The following ZFPM2 variants were observed in gnomAD, a reference collection of about 807,000 sequenced individuals.
ZFPM2 encodes the protein zinc finger protein ZFPM2.
A neutral mutation model predicts 98.6 loss-of-function variants in ZFPM2; 20 were observed. That is an observed-to-expected ratio of 0.20 (90% CI 0.14 to 0.29). ZFPM2 has a LOEUF of 0.29. ZFPM2 is among the 10% of genes least tolerant of loss of function. The pLI is 1.00. For synonymous variants in ZFPM2, 518 were observed against 502.7 expected, an observed-to-expected ratio of 1.03 and a Z score of -0.41; for missense variants, 1,310 against 1,388.6, an observed-to-expected ratio of 0.94 and a Z score of 0.90.
In ZFPM2 at chr8:105,494,225, AT is replaced by A. The variant is rs1813416206; in HGVS notation, c.301+49845del. On this transcript the variant is annotated intron_variant, in intron 3 of 7. Transcript: ENST00000407775. ...TATATATATATATATATATATATAT[AT>A]AATCTCAAACTCAACATATCTGAAA... is the stretch of plus-strand genomic sequence containing the variant. 7.8e-5 allele frequency among the ~76,000 whole-genome samples: 10 copies of A among 128,880 alleles called. 1 individual carries two copies. In the South Asian group the frequency reaches 2.0e-3, roughly 26 times the overall value. The allele number at this position is 128,880 out of a possible 152,430, so 84.6% of individuals were successfully genotyped here.
At chr8:105,554,519 A>C (rs1341009731) in intron 3 of ZFPM2, among the ~76,000 whole-genome samples, 1 of 152,190 alleles carries the variant, frequency 6.6e-6, no homozygotes, top group Non-Finnish European at 1.5e-5. Flanking sequence ...ATGTCTTCCA[A>C]CCATGAAGAA....
chr8:105,473,435 C>A (rs181583733), intron 3 of ZFPM2, among the ~76,000 whole-genome samples: 5 of 152,152 alleles, frequency 3.3e-5, no homozygotes, highest in South Asian at 2.1e-4. Flanking sequence ...CCATCTCTCC[C>A]TGACTAGCTG....
At chr8:105,698,702 T>C (rs1020816127) in intron 5 of ZFPM2, among the ~76,000 whole-genome samples, 7 of 152,164 alleles carry the variant, frequency 4.6e-5, no homozygotes, top group Non-Finnish European at 7.4e-5. Context: ...AGAACAGAGA[T>C]ATAAAAATAT....
At chr8:105,577,775 CA>C (rs5893750) in intron 4 of ZFPM2, among the ~76,000 whole-genome samples, 17,635 of 111,070 alleles carry the variant, frequency 0.16, 1,171 homozygotes, top group Non-Finnish European at 0.21. Flanking sequence ...GTGAGGAAAC[CA>C]AAAAAAAAAA....
At chr8:105,355,217 A>G (rs1203027137) in intron 1 of ZFPM2, among the ~76,000 whole-genome samples, 1 of 152,174 alleles carries the variant, frequency 6.6e-6, no homozygotes, top group Non-Finnish European at 1.5e-5. Flanking sequence ...ATATATCGCT[A>G]AGGATGTTTG....
intron 3 of ZFPM2, among the ~76,000 whole-genome samples, chr8:105,455,284 T>G (rs1308564046): frequency 6.6e-6 from 1 of 152,114 alleles, no homozygotes; most frequent in Non-Finnish European, 1.5e-5. Flanking sequence ...TTATTTAAAT[T>G]AAGATCTGAA....
At chr8:105,393,438 C>T (rs1811159364) in intron 1 of ZFPM2, among the ~76,000 whole-genome samples, 1 of 148,746 alleles carries the variant, frequency 6.7e-6, no homozygotes, top group East Asian at 2.0e-4. Flanking sequence ...GATTATATCT[C>T]CAGGTTTTGA....
At chr8:105,694,418 T>C (rs1810969149) in intron 5 of ZFPM2, among the ~76,000 whole-genome samples, 6 of 152,288 alleles carry the variant, frequency 3.9e-5, no homozygotes, top group Middle Eastern at 3.4e-3. Context: ...CTCTACTTCC[T>C]AATAAATGTG....
intron 4 of ZFPM2, among the ~76,000 whole-genome samples, chr8:105,591,269 A>G (rs1815837565): frequency 6.6e-6 from 1 of 151,896 alleles, no homozygotes; most frequent in South Asian, 2.1e-4. Context: ...AGCAACAACA[A>G]CAACAAAAAA....
chr8:105,792,000 G>C (rs1005737635), intron 6 of ZFPM2, among the ~76,000 whole-genome samples: 2 of 151,682 alleles, frequency 1.3e-5, no homozygotes, highest in Non-Finnish European at 2.9e-5. Context: ...TATTAGTCTT[G>C]CTAGCGGTCT....
chr8:105,697,892 T>C (rs1335370173), intron 5 of ZFPM2, among the ~76,000 whole-genome samples: 1 of 152,136 alleles, frequency 6.6e-6, no homozygotes, highest in Non-Finnish European at 1.5e-5. Context: ...GAAAAAAAAC[T>C]GAGTTGAAGA....
chr8:105,789,662 TG>T (rs1275947211), intron 6 of ZFPM2, among the ~76,000 whole-genome samples: 5 of 152,076 alleles, frequency 3.3e-5, no homozygotes, highest in African/African-American at 1.2e-4. Flanking sequence ...ATCGCCACAC[TG>T]ACTTCCACAA....
intron 3 of ZFPM2, among the ~76,000 whole-genome samples, chr8:105,540,071 T>TG (rs1814543595): frequency 6.6e-6 from 1 of 152,166 alleles, no homozygotes; most frequent in African/African-American, 2.4e-5. Context: ...TTCTTACTCT[T>TG]GCTTTCTCAA....
In ZFPM2 at chr8:105,517,707, C is replaced by CACCACACACACACACACACACACA. The variant is rs61552974; in HGVS notation, c.302-43656_302-43655insACCACACACACACACACACACACA. 7.7e-3 allele frequency among the ~76,000 whole-genome samples: 962 copies of CACCACACACACACACACACACACA among 124,916 alleles called. 11 individuals are homozygous for CACCACACACACACACACACACACA. Among genetic ancestry groups the CACCACACACACACACACACACACA allele is most frequent in the African/African-American group, 8.9e-3 (268 of 30,172 alleles). The allele number at this position is 124,916 out of a possible 152,430, so 81.9% of individuals were successfully genotyped here. A position where few individuals can be genotyped will look rare whatever the true frequency, so the allele number is the denominator to read the frequency against. On this transcript the variant is annotated intron_variant, in intron 3 of 7. Coordinates refer to ENST00000407775, the MANE Select transcript of ZFPM2 (RefSeq NM_012082.4). ...CACACACACACCACACACACACACA[C>CACCACACACACACACACACACACA]CACACACACACACACACACACACAC... is the stretch of plus-strand genomic sequence containing the variant.
chr8:105,631,349 T>C (rs1159482502), intron 4 of ZFPM2, among the ~76,000 whole-genome samples: 5 of 152,210 alleles, frequency 3.3e-5, no homozygotes, highest in African/African-American at 1.2e-4. Flanking sequence ...TTAATGATGA[T>C]TATGATAGAT....
intron 3 of ZFPM2, among the ~76,000 whole-genome samples, chr8:105,486,095 G>A (rs1240471590): frequency 6.6e-6 from 1 of 151,916 alleles, no homozygotes; most frequent in Non-Finnish European, 1.5e-5. Flanking sequence ...GATCTTTCTG[G>A]TTGTCATTAT....
chr8:105,486,329 A>G (rs1298555169), intron 3 of ZFPM2, among the ~76,000 whole-genome samples: 2 of 152,042 alleles, frequency 1.3e-5, no homozygotes, highest in East Asian at 3.9e-4. Context: ...AGTGTTCTCA[A>G]AAGAAGTTAC....
chr8:105,401,704 A>G (rs1008383452), intron 1 of ZFPM2, among the ~76,000 whole-genome samples: 11 of 152,126 alleles, frequency 7.2e-5, no homozygotes, highest in Non-Finnish European at 1.5e-4. Context: ...TGAACCCCAA[A>G]CTATCAAAAC....
At chr8:105,330,623 T>TATAC (rs1812212637) in intron 1 of ZFPM2, among the ~76,000 whole-genome samples, 1 of 89,838 alleles carries the variant, frequency 1.1e-5, no homozygotes, top group Non-Finnish European at 2.3e-5. Context: ...CATATATATA[T>TATAC]ATATATATAC....
Sources: allele counts gnomAD v4.1 joint callset (sites outside exome capture counted in the v4.1 genomes callset), GRCh38; gene constraint gnomAD v4.1.1; transcripts MANE v1.5; gene names NCBI Gene and HGNC (gene_info 2026-07-23, HGNC 2026-07-21).